CD34: variants seen among roughly 807,000 people sequenced by gnomAD.
CD34 encodes the protein hematopoietic progenitor cell antigen CD34.
Under a neutral mutation model 40.1 loss-of-function variants are expected in CD34, and 34 were observed. The ratio of observed to expected loss-of-function variants is 0.85; its 90% CI spans 0.65 to 1.13. CD34 has a LOEUF of 1.13. Among genes scored for constraint, CD34 ranks in the 50% most tolerant of loss-of-function variants. The pLI is 0.00. For missense variants in CD34, 426 were observed against 466.9 expected (o/e 0.91, Z 0.81); for synonymous variants, 209 against 190.0 (o/e 1.10, Z -0.82).
intron 1 of CD34, among the ~76,000 whole-genome samples, chr1:207,901,831 C>A (rs1392633037): frequency 6.6e-6 from 1 of 152,128 alleles, no homozygotes; most frequent in Non-Finnish European, 1.5e-5. Flanking sequence ...TTCATAAAGG[C>A]AGTTGCATCT....
chr1:207,896,126 C>T (rs1319193854), intron 4 of CD34, among the ~76,000 whole-genome samples: 3 of 152,190 alleles, frequency 2.0e-5, no homozygotes, highest in Non-Finnish European at 2.9e-5. Context: ...AATTTAAGCC[C>T]TCTACAGGCT....
In CD34 at chr1:207,899,237, C is replaced by T; in HGVS notation, c.263-11G>A. 2 of 1,613,496 alleles carry T rather than the reference C, an allele frequency of 1.2e-6. No homozygotes were observed. Among genetic ancestry groups the T allele is most frequent in the Non-Finnish European group, 8.5e-7 (1 of 1,179,600 alleles). ...ATTTGACTGTCGTTTCTGGAAGAGA[C>T]CAAAACATGGGTGTGCATGTGTGCA... On this transcript the variant is annotated splice_polypyrimidine_tract_variant and intron_variant, in intron 2 of 7. Transcript: ENST00000310833.
intron 4 of CD34, among the ~76,000 whole-genome samples, chr1:207,894,061 A>G (rs531175910): frequency 6.6e-6 from 1 of 152,340 alleles, no homozygotes; most frequent in African/African-American, 2.4e-5. Flanking sequence ...TATATCCCCA[A>G]AAGGACTCAA....
intron 4 of CD34, among the ~76,000 whole-genome samples, chr1:207,895,899 G>A (rs1035449070): frequency 2.0e-5 from 3 of 152,174 alleles, no homozygotes; most frequent in African/African-American, 7.2e-5. Context: ...GAAACATGCT[G>A]CATGTTACTT....
chr1:207,889,760 A>C lies in CD34; in HGVS notation c.598-139T>G, dbSNP rs74995187. ...TTGTTTCTAAAATTCCAACAGAAAA[A>C]AAAAAAACTGCTAACTGTATATGTG... On this transcript the variant is annotated intron_variant, in intron 4 of 7. Coordinates refer to ENST00000310833, the MANE Select transcript of CD34 (RefSeq NM_001025109.2). The C allele has an allele frequency of 3.8e-3, 5,993 of 1,587,378 alleles. 207 individuals carry two copies. In the African/African-American group the frequency reaches 0.072, roughly 19 times the overall value.
chr1:207,891,435 A>C (rs185209865), intron 4 of CD34, among the ~76,000 whole-genome samples: 8 of 152,228 alleles, frequency 5.3e-5, no homozygotes, highest in Non-Finnish European at 1.0e-4. Context: ...TCATCCTAGC[A>C]CTTTGGGAGG....
intron 4 of CD34, among the ~76,000 whole-genome samples, chr1:207,892,539 A>G (rs1049850893): frequency 2.0e-5 from 3 of 151,640 alleles, no homozygotes; most frequent in African/African-American, 7.3e-5. Context: ...AGATCACAAC[A>G]CTACACTCTG....
chr1:207,889,126 A>C (rs2073070), intron 6 of CD34, 35 bp downstream of exon 6: 362,681 of 1,259,722 alleles, frequency 0.29, 52,442 homozygotes, highest in East Asian at 0.36. Context: ...CTGCCCCGGC[A>C]TTCCCTCTCA....
rs1324447910 is a variant in CD34, at chr1:207,897,589, A to G, written c.517-16T>C. 1 of 1,535,574 alleles carries G rather than the reference A, an allele frequency of 6.5e-7. No homozygotes were observed. Among genetic ancestry groups the G allele is most frequent in the Non-Finnish European group, 8.8e-7 (1 of 1,133,372 alleles). On this transcript the variant is annotated splice_polypyrimidine_tract_variant and intron_variant, in intron 3 of 7. Coordinates refer to ENST00000310833, the MANE Select transcript of CD34 (RefSeq NM_001025109.2). ...TGATTTCTGCCTGTATTAAAACAAA[A>G]ACAATAACAAAAACAAAGTAAATAA...
intron 1 of CD34, among the ~76,000 whole-genome samples, chr1:207,910,785 A>C (rs569902299): frequency 1.3e-5 from 2 of 152,270 alleles, no homozygotes; most frequent in East Asian, 3.9e-4. Context: ...CGGCTAACGC[A>C]CACTCGCGGG....
intron 4 of CD34, among the ~76,000 whole-genome samples, chr1:207,895,215 G>C (rs1480735267): frequency 6.6e-6 from 1 of 152,196 alleles, no homozygotes; most frequent in Non-Finnish European, 1.5e-5. Context: ...AGGGAGTAGG[G>C]ACCAAGGAAA....
In CD34 at chr1:207,899,092, T is replaced by C; in HGVS notation, c.397A>G (p.Thr133Ala). The C allele has an allele frequency of 3.7e-6, 6 of 1,614,218 alleles. No homozygotes were observed. The highest frequency in any genetic ancestry group is 5.1e-6 in the Non-Finnish European group (6 of 1,180,034). ...TPANVSTPET[T>A]LKPSLSPGNV... is the part of the protein sequence containing the mutation. Reference sequence around the variant, plus strand: ...CCAGGTGACAGGCTAGGCTTCAAGGTTGTCTCTGGAGTTGAAACGTTGGCT... The same window carrying C: ...CCAGGTGACAGGCTAGGCTTCAAGGCTGTCTCTGGAGTTGAAACGTTGGCT... The change falls in exon 3 of 8, where the codon ACC becomes GCC. Residue 133 changes from threonine to alanine, a missense_variant. Transcript: ENST00000310833.
At chr1:207,898,382 G>A (rs566975656) in intron 3 of CD34, among the ~76,000 whole-genome samples, 7 of 152,140 alleles carry the variant, frequency 4.6e-5, no homozygotes, top group Admixed American at 2.6e-4. Flanking sequence ...AAGATCCCTC[G>A]GGCATATCTC....
At chr1:207,908,520 G>A (rs1189477090) in intron 1 of CD34, among the ~76,000 whole-genome samples, 1 of 152,202 alleles carries the variant, frequency 6.6e-6, no homozygotes, top group Non-Finnish European at 1.5e-5. Context: ...TGTAGCCCTG[G>A]ACAGGATATG....
At position 207,889,486 on chromosome 1, in the gene CD34, G is replaced by A; in HGVS notation, c.733C>T (p.Leu245=). 6.2e-7 allele frequency: 1 copy of A among 1,613,512 alleles called. No homozygotes were observed. The highest frequency in any genetic ancestry group is 8.5e-7 in the Non-Finnish European group (1 of 1,179,700). ...TTACCTGTTCTGTTGGCCAAGACCA[G>A]CAGTAGACACTGAGGCCTCACCTCA... ...QSEVRPQCLL[L]VLANRTEISS... Residue 245 remains leucine (L), a synonymous_variant, in exon 5 of 8, where the codon CTG becomes TTG. Transcript: ENST00000310833.
At chr1:207,907,908 C>T (rs2102307636) in intron 1 of CD34, among the ~76,000 whole-genome samples, 1 of 152,186 alleles carries the variant, frequency 6.6e-6, no homozygotes, top group African/African-American at 2.4e-5. Context: ...GTTCTTTTTC[C>T]ATACCTTCTT....
At chr1:207,908,576 T>C (rs1314035470) in intron 1 of CD34, among the ~76,000 whole-genome samples, 1 of 152,184 alleles carries the variant, frequency 6.6e-6, no homozygotes, top group African/African-American at 2.4e-5. Context: ...AGAAGAGGAA[T>C]GTGACGGGGA....
At chr1:207,908,707 AGCACTCTGGC>A (rs748286411) in intron 1 of CD34, among the ~76,000 whole-genome samples, 6 of 152,186 alleles carry the variant, frequency 3.9e-5, no homozygotes, top group Non-Finnish European at 7.4e-5. Context: ...TGCTCCAGCC[AGCACTCTGGC>A]AGTGCTGCCT....
rs530487981 is a variant in CD34 at position 207,882,974 on chromosome 1, A to G, written c.*4764T>C. The G allele has an allele frequency of 6.6e-6, 1 of 152,166 alleles. No individual in the cohort carries two copies. The highest frequency in any genetic ancestry group is 2.4e-5 in the African/African-American group (1 of 41,552). 9.4% of individuals were successfully genotyped at this position (152,166 alleles called of 1,614,324 possible). A position where few individuals can be genotyped will look rare whatever the true frequency, so the allele number is the denominator to read the frequency against. ...ATGTAAAGACTTGACAGAAGGGACT[A>G]TGTCTTATCCCAGGTGCCTGGCATA... On this transcript the variant is annotated 3_prime_UTR_variant, in exon 8 of 8. Coordinates refer to ENST00000310833, the MANE Select transcript of CD34 (RefSeq NM_001025109.2).
Sources: gnomAD v4.1 joint callset for allele counts (sites outside exome capture counted in the v4.1 genomes callset) on GRCh38, gnomAD v4.1.1 for gene constraint, MANE v1.5 for transcripts, NCBI Gene and HGNC (gene_info 2026-07-23, HGNC 2026-07-21) for gene names.